The following TPH2 variants were observed in gnomAD, a reference collection of about 807,000 sequenced individuals.
TPH2 encodes tryptophan hydroxylase 2.
TPH2 carries 27 observed loss-of-function variants against 59.1 expected under a neutral mutation model. The observed-to-expected ratio is 0.46, with a 90% CI of 0.34 to 0.63. The LOEUF is 0.63. TPH2 is among the 30% of genes least tolerant of loss of function. The pLI is 0.01. For missense variants in TPH2, 523 were observed against 588.3 expected (o/e 0.89, Z 1.15); for synonymous variants, 220 against 210.5 (o/e 1.05, Z -0.39).
chr12:71,961,164 C>G lies in TPH2; in HGVS notation c.609-11355C>G, dbSNP rs114509577. On this transcript the variant is annotated intron_variant, in intron 5 of 10. Transcript: ENST00000333850. Reference sequence around the variant, plus strand: ...TCAAGAGTGGGGTCTCTAGAGCTAGCCTTCCTATAGCTGAGTCCCCACTAT... The same window carrying G: ...TCAAGAGTGGGGTCTCTAGAGCTAGGCTTCCTATAGCTGAGTCCCCACTAT... Among the ~76,000 whole-genome samples the G allele has an allele frequency of 8.6e-3, 1,310 of 152,250 alleles. 23 individuals are homozygous for G. Among genetic ancestry groups the G allele is most frequent in the African/African-American group, 0.03 (1,230 of 41,546 alleles).
At position 71,995,824 on chromosome 12, in the gene TPH2, T is replaced by G. The variant is rs557056640; in HGVS notation, c.1068+1259T>G. ...ATCTAGATTTCTCAATGAAATTTAA[T>G]GATTTTTAAATGTTGGCTTATTAAA... is the stretch of plus-strand genomic sequence containing the variant. On this transcript the variant is annotated intron_variant, in intron 8 of 10. Transcript: ENST00000333850. Among the ~76,000 whole-genome samples, 5 of 152,332 alleles carry G rather than the reference T, an allele frequency of 3.3e-5. 1 individual carries two copies. The highest frequency in any genetic ancestry group is 1.2e-4 in the African/African-American group (5 of 41,570).
chr12:72,020,064 A>C (rs574633587), intron 8 of TPH2, among the ~76,000 whole-genome samples: 81 of 152,330 alleles, frequency 5.3e-4, no homozygotes, highest in African/African-American at 1.9e-3. Context: ...TCTTTCAGAC[A>C]ATAGTCTAGA....
At chr12:71,968,448 G>T (rs573537259) in intron 5 of TPH2, among the ~76,000 whole-genome samples, 3 of 152,170 alleles carry the variant, frequency 2.0e-5, no homozygotes, top group South Asian at 2.1e-4. Flanking sequence ...ATGTTCACGT[G>T]AACCTCAAAT....
At chr12:71,971,340 G>A (rs1592392625) in intron 5 of TPH2, among the ~76,000 whole-genome samples, 1 of 152,318 alleles carries the variant, frequency 6.6e-6, no homozygotes, top group East Asian at 1.9e-4. Context: ...CAGAATTTCT[G>A]ACACATGGCC....
At chr12:72,019,392 T>C (rs1592414441) in intron 8 of TPH2, among the ~76,000 whole-genome samples, 1 of 152,196 alleles carries the variant, frequency 6.6e-6, no homozygotes, top group African/African-American at 2.4e-5. Context: ...CTCTTGGAAA[T>C]AAAAATCTAT....
At chr12:71,944,795 A>G (rs965249148) in intron 4 of TPH2, 109 bp downstream of exon 4, 5 of 1,034,034 alleles carry the variant, frequency 4.8e-6, no homozygotes, top group African/African-American at 4.7e-5. Context: ...ACAATTTATT[A>G]TTTATTCCCC....
intron 9 of TPH2, among the ~76,000 whole-genome samples, chr12:72,027,844 G>A (rs1315340942): frequency 2.0e-5 from 3 of 152,076 alleles, no homozygotes; most frequent in Non-Finnish European, 4.4e-5. Flanking sequence ...AGGTAAAGGT[G>A]GTGTGAGTGC....
intron 5 of TPH2, among the ~76,000 whole-genome samples, chr12:71,955,309 G>GT (rs755490953): frequency 6.6e-6 from 1 of 152,198 alleles, no homozygotes; most frequent in South Asian, 2.1e-4. Context: ...CTCCTGGGAG[G>GT]TTTTTTTAAG....
At chr12:72,006,767 C>G (rs908280796) in intron 8 of TPH2, among the ~76,000 whole-genome samples, 6 of 152,154 alleles carry the variant, frequency 3.9e-5, no homozygotes, top group Non-Finnish European at 7.3e-5. Context: ...AGATCTTTGT[C>G]AGTAACTTTG....
intron 6 of TPH2, 137 bp downstream of exon 6, chr12:71,972,852 T>A (rs1288587799): frequency 1.3e-5 from 12 of 906,108 alleles, no homozygotes; most frequent in Non-Finnish European, 2.0e-5. Context: ...AGCCAACAAT[T>A]ACCTGCGGCC....
At chr12:71,953,053 C>T (rs189052087) in intron 5 of TPH2, among the ~76,000 whole-genome samples, 102 of 152,206 alleles carry the variant, frequency 6.7e-4, no homozygotes, top group Non-Finnish European at 9.4e-4. Context: ...TTTAGTTTCC[C>T]ATTGAAGGGC....
At chr12:71,983,827 T>G (rs1872356883) in intron 7 of TPH2, among the ~76,000 whole-genome samples, 1 of 150,046 alleles carries the variant, frequency 6.7e-6, no homozygotes, top group African/African-American at 2.5e-5. Context: ...GCACAAACCC[T>G]GGCAACTAGC....
At chr12:71,998,521 C>T (rs1160151403) in intron 8 of TPH2, among the ~76,000 whole-genome samples, 1 of 151,972 alleles carries the variant, frequency 6.6e-6, no homozygotes, top group Non-Finnish European at 1.5e-5. Context: ...CCCACAGATT[C>T]CAACCAGCCA....
intron 7 of TPH2, among the ~76,000 whole-genome samples, chr12:71,990,881 C>T (rs1872566312): frequency 6.6e-6 from 1 of 152,100 alleles, no homozygotes; most frequent in African/African-American, 2.4e-5. Flanking sequence ...CTACTTATAA[C>T]AGAGCAAAGA....
At chr12:71,985,092 G>A (rs1354838741) in intron 7 of TPH2, among the ~76,000 whole-genome samples, 2 of 152,150 alleles carry the variant, frequency 1.3e-5, no homozygotes, top group Non-Finnish European at 2.9e-5. Flanking sequence ...TGTATGGATG[G>A]ACTCACCTAA....
In TPH2 at chr12:71,949,650, T is replaced by C. The variant is rs563486615; in HGVS notation, c.603T>C (p.Tyr201=). The C allele has an allele frequency of 1.2e-6, 2 of 1,612,408 alleles. No homozygotes were observed. The highest frequency in any genetic ancestry group is 1.7e-6 in the Non-Finnish European group (2 of 1,178,594). ...ATTTTGTGGATGTGGCCATGGGTTA[T>C]AAATAGTAAGTACCTGTATAACTCT... ...RKYFVDVAMG[Y]KYGQPIPRVE... is the part of the protein sequence containing the mutation. The change falls in exon 5 of 11, where the codon TAT becomes TAC. Residue 201 remains tyrosine (Y), a synonymous_variant. Transcript: ENST00000333850.
chr12:71,986,498 C>T (rs1361606640), intron 7 of TPH2, among the ~76,000 whole-genome samples: 1 of 152,148 alleles, frequency 6.6e-6, no homozygotes, highest in African/African-American at 2.4e-5. Context: ...TTTAAAAAAT[C>T]ATATACATTA....
At chr12:71,974,394 T>G (rs1346577398) in intron 6 of TPH2, among the ~76,000 whole-genome samples, 1 of 152,198 alleles carries the variant, frequency 6.6e-6, no homozygotes, top group Non-Finnish European at 1.5e-5. Context: ...GTGGCTTCTG[T>G]GCCCTGGCCT....
intron 6 of TPH2, among the ~76,000 whole-genome samples, chr12:71,977,125 C>A (rs1170337481): frequency 6.6e-6 from 1 of 152,150 alleles, no homozygotes; most frequent in African/African-American, 2.4e-5. Context: ...AAGCTCGGCT[C>A]ACTGCAACCT....
Sources: gnomAD v4.1 joint callset for allele counts (sites outside exome capture counted in the v4.1 genomes callset) on GRCh38, gnomAD v4.1.1 for gene constraint, MANE v1.5 for transcripts, NCBI Gene and HGNC (gene_info 2026-07-23, HGNC 2026-07-21) for gene names.